The following ZDHHC14 variants were observed in gnomAD, a reference collection of about 807,000 sequenced individuals.
ZDHHC14 encodes zDHHC palmitoyltransferase 14, also known as palmitoyltransferase ZDHHC14.
Under a neutral mutation model 47.7 loss-of-function variants are expected in ZDHHC14, and 16 were observed. That is an observed-to-expected ratio of 0.34 (90% CI 0.23 to 0.51). The LOEUF (loss-of-function observed/expected upper bound fraction) is 0.51, where lower values mean the gene tolerates loss of function less well. Among genes scored for constraint, ZDHHC14 ranks in the 20% least tolerant of loss-of-function variants. The pLI is 0.97. For missense variants in ZDHHC14, 515 were observed against 662.5 expected (o/e 0.78, Z 2.44); for synonymous variants, 293 against 278.9 (o/e 1.05, Z -0.50).
In ZDHHC14 at chr6:157,645,043, A is replaced by G. The variant is rs150694286; in HGVS notation, c.753-694A>G. 3.1e-3 allele frequency among the ~76,000 whole-genome samples: 474 copies of G among 152,228 alleles called. 2 individuals are homozygous for G. Among genetic ancestry groups the G allele is most frequent in the African/African-American group, 0.01 (433 of 41,530 alleles). On this transcript the variant is annotated intron_variant, in intron 5 of 8. Transcript: ENST00000359775. ...ACTCGTGGTTCCCAGCTGCCTATCA[A>G]GCAGCTGAGGATGGCCTTATAGGTC...
chr6:157,459,796 C>T (rs1175899025), intron 1 of ZDHHC14, among the ~76,000 whole-genome samples: 1 of 152,096 alleles, frequency 6.6e-6, no homozygotes, highest in Non-Finnish European at 1.5e-5. Context: ...GTCATCTGGC[C>T]AGGCATGGTG....
chr6:157,464,930 G>A (rs141671983), intron 1 of ZDHHC14, among the ~76,000 whole-genome samples: 1 of 152,178 alleles, frequency 6.6e-6, no homozygotes, highest in African/African-American at 2.4e-5. Context: ...GGTGGTCTTG[G>A]GTAACCAGCC....
At chr6:157,561,608 C>A (rs915413909) in intron 2 of ZDHHC14, among the ~76,000 whole-genome samples, 5 of 152,174 alleles carry the variant, frequency 3.3e-5, no homozygotes, top group Non-Finnish European at 7.3e-5. Context: ...ACTATACACG[C>A]ACACCTGGCA....
chr6:157,497,832 C>T (rs779184089), intron 1 of ZDHHC14, among the ~76,000 whole-genome samples: 8 of 152,184 alleles, frequency 5.3e-5, no homozygotes, highest in Admixed American at 1.3e-4. Context: ...AACCAGAGTC[C>T]AATTTCTACC....
chr6:157,466,031 G>C (rs192579858), intron 1 of ZDHHC14, among the ~76,000 whole-genome samples: 1 of 152,022 alleles, frequency 6.6e-6, no homozygotes, highest in Non-Finnish European at 1.5e-5. Context: ...GACAGAGTGA[G>C]ATTCTGTCTC....
chr6:157,449,024 C>A (rs1245514027), intron 1 of ZDHHC14, among the ~76,000 whole-genome samples: 1 of 152,184 alleles, frequency 6.6e-6, no homozygotes, highest in Non-Finnish European at 1.5e-5. Flanking sequence ...AAAGGCCAGG[C>A]CGAGAGTGAA....
At position 157,586,177 on chromosome 6, in the gene ZDHHC14, C is replaced by G. The variant is rs1356145126; in HGVS notation, c.407-6811C>G. Among the ~76,000 whole-genome samples the G allele has an allele frequency of 6.6e-6, 1 of 152,120 alleles. No individual in the cohort carries two copies. Among genetic ancestry groups the G allele is most frequent in the Non-Finnish European group, 1.5e-5 (1 of 68,026 alleles). ...AGAAGTCTGAGTTCCTGCTGTGTCCCCAGCTCAGAGCCCAGGGCTGGCCCC... is the reference window on the plus strand; with the variant it reads ...AGAAGTCTGAGTTCCTGCTGTGTCCGCAGCTCAGAGCCCAGGGCTGGCCCC... On this transcript the variant is annotated intron_variant, in intron 2 of 8. Coordinates refer to ENST00000359775, the MANE Select transcript of ZDHHC14 (RefSeq NM_024630.3). The surrounding 1 kb of genome is among the most constrained non-coding windows in gnomAD (Gnocchi z 4.6).
chr6:157,464,245 A>G (rs1391460468), intron 1 of ZDHHC14, among the ~76,000 whole-genome samples: 1 of 152,204 alleles, frequency 6.6e-6, no homozygotes, highest in Non-Finnish European at 1.5e-5. Flanking sequence ...GAAGACTACA[A>G]CCTGAAATAT....
At chr6:157,631,856 C>T (rs1040087738) in intron 4 of ZDHHC14, 1 of 152,294 alleles carries the variant, frequency 6.6e-6, no homozygotes, top group African/African-American at 2.4e-5. Flanking sequence ...CCTTAAGCAC[C>T]ATCTCTCCTG....
intron 1 of ZDHHC14, among the ~76,000 whole-genome samples, chr6:157,483,776 T>C (rs1415157683): frequency 1.3e-5 from 2 of 152,186 alleles, no homozygotes; most frequent in Admixed American, 1.3e-4. Flanking sequence ...GCTTGCTACA[T>C]GAGGAAGCCA....
intron 1 of ZDHHC14, among the ~76,000 whole-genome samples, chr6:157,525,882 A>G (rs1781137310): frequency 6.6e-6 from 1 of 151,848 alleles, no homozygotes; most frequent in South Asian, 2.1e-4. Flanking sequence ...TCCCCATCAG[A>G]CTTCTTTCTT....
intron 1 of ZDHHC14, among the ~76,000 whole-genome samples, chr6:157,468,232 C>G (rs756256546): frequency 2.0e-5 from 3 of 152,198 alleles, no homozygotes; most frequent in Non-Finnish European, 4.4e-5. Flanking sequence ...TGGCTTCCAT[C>G]AGCCCCTCTG....
intron 1 of ZDHHC14, among the ~76,000 whole-genome samples, chr6:157,385,472 T>C (rs139152343): frequency 4.7e-4 from 71 of 152,374 alleles, no homozygotes; most frequent in African/African-American, 1.7e-3. Flanking sequence ...AAATAAAATG[T>C]GTGACAAAAA....
Position 157,586,010 on chromosome 6 carries a change from G to C in ZDHHC14, c.407-6978G>C, listed in dbSNP as rs111255580. Among the ~76,000 whole-genome samples, 394 of 152,330 alleles carry C rather than the reference G, an allele frequency of 2.6e-3. 3 individuals are homozygous for C. The highest frequency in any genetic ancestry group is 9.2e-3 in the African/African-American group (381 of 41,570). ...CATCTTGGGCATCTCCTATGTGCTA[G>C]ACTCTCTGCTGGATGATGGGGACTT... On this transcript the variant is annotated intron_variant, in intron 2 of 8. Transcript: ENST00000359775. This position sits in a 1 kb window ranked among gnomAD's most constrained non-coding sequence, Gnocchi z 4.6.
intron 1 of ZDHHC14, among the ~76,000 whole-genome samples, chr6:157,477,329 G>A (rs1341529170): frequency 1.3e-5 from 2 of 152,196 alleles, no homozygotes; most frequent in Non-Finnish European, 2.9e-5. Context: ...GCAGTGAGCC[G>A]AGACCGTGCC....
At chr6:157,437,141 G>A (rs779842182) in intron 1 of ZDHHC14, among the ~76,000 whole-genome samples, 12 of 152,168 alleles carry the variant, frequency 7.9e-5, no homozygotes, top group African/African-American at 1.7e-4. Flanking sequence ...AGGATTGGCC[G>A]GCCACACATG....
chr6:157,412,578 C>G (rs1005359022), intron 1 of ZDHHC14, among the ~76,000 whole-genome samples: 1 of 152,206 alleles, frequency 6.6e-6, no homozygotes, highest in African/African-American at 2.4e-5. Flanking sequence ...CAGGTGTGAG[C>G]CACCGTGCCC....
chr6:157,495,798 G>A lies in ZDHHC14; in HGVS notation c.246-46787G>A, dbSNP rs527523868. Reference sequence around the variant, plus strand: ...CAGCTCACTGCAACCTCCGCCTCCCGGCTTCAAGCAATCCTCCCACCTAAC... The same window carrying A: ...CAGCTCACTGCAACCTCCGCCTCCCAGCTTCAAGCAATCCTCCCACCTAAC... On this transcript the variant is annotated intron_variant, in intron 1 of 8. Coordinates refer to ENST00000359775, the MANE Select transcript of ZDHHC14 (RefSeq NM_024630.3). 4.2e-5 allele frequency among the ~76,000 whole-genome samples: 6 copies of A among 143,500 alleles called. No homozygotes were observed. In the East Asian group the frequency reaches 6.7e-4, roughly 16 times the overall value. 94.1% of individuals were successfully genotyped at this position (143,500 alleles called of 152,430 possible).
At chr6:157,600,692 C>G (rs1235234091) in intron 3 of ZDHHC14, among the ~76,000 whole-genome samples, 1 of 152,218 alleles carries the variant, frequency 6.6e-6, no homozygotes, top group Non-Finnish European at 1.5e-5. Context: ...AGGCGTGAGC[C>G]ACCGCACCTG....
Sources: gnomAD v4.1 joint callset for allele counts (sites outside exome capture counted in the v4.1 genomes callset) on GRCh38, gnomAD v4.1.1 for gene constraint, Gnocchi (gnomAD v3.1) non-coding constraint, MANE v1.5 for transcripts, NCBI Gene and HGNC (gene_info 2026-07-23, HGNC 2026-07-21) for gene names.